CEP112: variants seen among roughly 807,000 people sequenced by gnomAD.
CEP112 encodes the protein centrosomal protein 112.
A neutral mutation model predicts 153.0 loss-of-function variants in CEP112; 127 were observed. The observed-to-expected ratio is 0.83, with a 90% CI of 0.72 to 0.96. CEP112 has a LOEUF of 0.96. Among genes scored for constraint, CEP112 ranks in the 40% least tolerant of loss-of-function variants. The probability of loss-of-function intolerance (pLI) is 0.00; values close to 1 mark genes in which losing one functional copy is unlikely to be tolerated. For missense variants in CEP112, 1,089 were observed against 1,101.2 expected (o/e 0.99, Z 0.16); for synonymous variants, 358 against 374.4 (o/e 0.96, Z 0.51).
chr17:65,719,898 A>C lies in CEP112; in HGVS notation c.2607+23170T>G, dbSNP rs568703747. 1.2e-4 allele frequency among the ~76,000 whole-genome samples: 18 copies of C among 152,312 alleles called. No homozygotes were observed. In the East Asian group the frequency reaches 3.5e-3, roughly 29 times the overall value. On this transcript the variant is annotated intron_variant, in intron 23 of 26. Coordinates refer to ENST00000535342, the MANE Select transcript of CEP112 (RefSeq NM_001199165.4). ...AGGGCCGTGGGGACCCAGTGAAGAA[A>C]GATCACTCTGGATGTGGTGTGGAGG... is the stretch of plus-strand genomic sequence containing the variant.
chr17:65,733,124 T>C lies in CEP112; in HGVS notation c.2607+9944A>G, dbSNP rs144104855. On this transcript the variant is annotated intron_variant, in intron 23 of 26. Transcript: ENST00000535342. ...TCTTCACTTGAACACTTAGAGGCCA[T>C]TGTAGAATTATTAATTGACCTACAT... 1.6e-4 allele frequency among the ~76,000 whole-genome samples: 25 copies of C among 152,322 alleles called. No homozygotes were observed. In the East Asian group the frequency reaches 4.6e-3, roughly 28 times the overall value.
At chr17:65,877,555 G>T (rs1391146615) in intron 20 of CEP112, among the ~76,000 whole-genome samples, 1 of 152,098 alleles carries the variant, frequency 6.6e-6, no homozygotes, top group African/African-American at 2.4e-5. Flanking sequence ...CCTACAATTT[G>T]CCATAAATGG....
At position 65,841,494 on chromosome 17, in the gene CEP112, G is replaced by C. The variant is rs192431726; in HGVS notation, c.2394+10310C>G. On this transcript the variant is annotated intron_variant, in intron 21 of 26. Coordinates refer to ENST00000535342, the MANE Select transcript of CEP112 (RefSeq NM_001199165.4). ...TAGAATGACAGTTACCAGAGGCTGG[G>C]AAGGGTAAAGAGGAGAAGACATAAA... 3.8e-3 allele frequency among the ~76,000 whole-genome samples: 573 copies of C among 152,152 alleles called. 3 individuals are homozygous for C. The highest frequency in any genetic ancestry group is 5.1e-3 in the Non-Finnish European group (346 of 67,896).
chr17:65,746,472 A>G (rs1358676923), intron 22 of CEP112, among the ~76,000 whole-genome samples: 5 of 152,216 alleles, frequency 3.3e-5, no homozygotes, highest in African/African-American at 1.2e-4. Flanking sequence ...TGATACGGAT[A>G]TGGAACAGTA....
chr17:65,714,579 C>T (rs541140594), intron 23 of CEP112, among the ~76,000 whole-genome samples: 14 of 152,218 alleles, frequency 9.2e-5, no homozygotes, highest in Admixed American at 3.3e-4. Context: ...ATGACTTTGC[C>T]GTCTTCATTC....
intron 17 of CEP112, among the ~76,000 whole-genome samples, chr17:65,999,207 T>C (rs1252177346): frequency 6.6e-6 from 1 of 151,152 alleles, no homozygotes; most frequent in African/African-American, 2.4e-5. Flanking sequence ...CTTTTTTTTT[T>C]TTTTTTTGAG....
At chr17:65,693,229 C>T (rs72844810) in intron 23 of CEP112, among the ~76,000 whole-genome samples, 11,630 of 152,076 alleles carry the variant, frequency 0.076, 692 homozygotes, top group Admixed American at 0.18. Context: ...CTACACTCGG[C>T]GTCCCACACC....
At chr17:65,941,946 C>G (rs2061518508) in intron 18 of CEP112, among the ~76,000 whole-genome samples, 1 of 152,056 alleles carries the variant, frequency 6.6e-6, no homozygotes, top group South Asian at 2.1e-4. Context: ...AGCCACCACA[C>G]CTGGCTTGAA....
rs545119109 is a variant in CEP112, at chr17:65,689,821, C to A, written c.2608-603G>T. 3.9e-5 allele frequency among the ~76,000 whole-genome samples: 6 copies of A among 152,070 alleles called. No individual in the cohort carries two copies. In the East Asian group the frequency reaches 1.2e-3, roughly 29 times the overall value. ...ATATGGGAAATGGAAACCACAAAGA[C>A]CAATAATTACCACTGCATCAATTAC... On this transcript the variant is annotated intron_variant, in intron 23 of 26. Transcript: ENST00000535342.
intron 8 of CEP112, among the ~76,000 whole-genome samples, chr17:66,072,501 C>T (rs1231477147): frequency 6.6e-6 from 1 of 152,128 alleles, no homozygotes; most frequent in African/African-American, 2.4e-5. Flanking sequence ...AGAGTACAGA[C>T]CGTTATTAAA....
intron 17 of CEP112, among the ~76,000 whole-genome samples, chr17:66,004,774 T>C (rs2064203411): frequency 6.6e-6 from 1 of 152,360 alleles, no homozygotes; most frequent in South Asian, 2.1e-4. Context: ...CTAAATGTGT[T>C]TGATCTTGGG....
intron 12 of CEP112, among the ~76,000 whole-genome samples, chr17:66,035,541 C>A (rs1419876838): frequency 1.3e-5 from 2 of 151,976 alleles, no homozygotes; most frequent in African/African-American, 4.8e-5. Context: ...TATGGAGGCA[C>A]CTCAAAAATT....
chr17:65,953,009 G>A (rs1410735829), intron 18 of CEP112, among the ~76,000 whole-genome samples: 1 of 151,866 alleles, frequency 6.6e-6, no homozygotes, highest in Non-Finnish European at 1.5e-5. Context: ...CATTTTAGAT[G>A]CAAGTTCTTC....
intron 21 of CEP112, among the ~76,000 whole-genome samples, chr17:65,836,140 AATAG>A (rs2057298581): frequency 6.6e-6 from 1 of 152,250 alleles, no homozygotes; most frequent in Non-Finnish European, 1.5e-5. Context: ...GCACAGAATC[AATAG>A]ATACACTAAA....
At chr17:65,756,157 A>G (rs1437652726) in intron 21 of CEP112, among the ~76,000 whole-genome samples, 2 of 152,118 alleles carry the variant, frequency 1.3e-5, no homozygotes, top group Non-Finnish European at 2.9e-5. Context: ...TAATCCCAGC[A>G]CTCTGGGAGG....
chr17:66,013,693 T>A (rs1438084300), intron 16 of CEP112, among the ~76,000 whole-genome samples: 2 of 152,214 alleles, frequency 1.3e-5, no homozygotes, highest in African/African-American at 4.8e-5. Flanking sequence ...GGCAATGTGA[T>A]TAATGCTTGT....
chr17:65,970,495 C>T (rs984998934), intron 17 of CEP112, among the ~76,000 whole-genome samples: 1 of 146,552 alleles, frequency 6.8e-6, no homozygotes, highest in African/African-American at 2.5e-5. Flanking sequence ...ATGCACACTA[C>T]ATGCATATTA....
chr17:66,101,919 TTAGA>T (rs1186600742), intron 6 of CEP112, among the ~76,000 whole-genome samples: 1 of 152,114 alleles, frequency 6.6e-6, no homozygotes, highest in African/African-American at 2.4e-5. Flanking sequence ...ATACAAGCTA[TTAGA>T]TAGAAGCTAT....
At chr17:65,971,062 T>C (rs1470936229) in intron 17 of CEP112, among the ~76,000 whole-genome samples, 2 of 152,226 alleles carry the variant, frequency 1.3e-5, no homozygotes, top group Non-Finnish European at 1.5e-5. Context: ...GTCTATTACA[T>C]ACATGCATGT....
Sources: gnomAD v4.1 joint callset for allele counts (sites outside exome capture counted in the v4.1 genomes callset) on GRCh38, gnomAD v4.1.1 for gene constraint, MANE v1.5 for transcripts, NCBI Gene and HGNC (gene_info 2026-07-23, HGNC 2026-07-21) for gene names.